TNFRSF1B: variants seen among roughly 807,000 people sequenced by gnomAD.
TNFRSF1B encodes TNF receptor superfamily member 1B.
A neutral mutation model predicts 44.6 loss-of-function variants in TNFRSF1B; 19 were observed. The ratio of observed to expected loss-of-function variants is 0.43; its 90% CI spans 0.30 to 0.62. The LOEUF (loss-of-function observed/expected upper bound fraction) is 0.62, where lower values mean the gene tolerates loss of function less well. Ranked by LOEUF, TNFRSF1B falls within the 20% of genes least tolerant of loss-of-function variation. The pLI, the probability that TNFRSF1B is intolerant of heterozygous loss-of-function variation, is 0.16. For synonymous variants in TNFRSF1B, 252 were observed against 261.1 expected (o/e 0.97, Z 0.34); for missense variants, 541 against 619.9 (o/e 0.87, Z 1.35).
chr1:12,198,926 G>A (rs978721280), intron 8 of TNFRSF1B, among the ~76,000 whole-genome samples: 1 of 151,988 alleles, frequency 6.6e-6, no homozygotes, highest in Admixed American at 6.6e-5. Context: ...TCCTGACCTC[G>A]TGATTCGGTG....
chr1:12,200,629 T>C (rs1639368673), intron 8 of TNFRSF1B, among the ~76,000 whole-genome samples: 1 of 152,058 alleles, frequency 6.6e-6, no homozygotes, highest in Admixed American at 6.5e-5. Context: ...CGCAAATTAT[T>C]CTTTTTTTTT....
Position 12,206,966 on chromosome 1 carries a change from C to T in TNFRSF1B, c.1332C>T (p.Thr444=), listed in dbSNP as rs773470753. ...CGCCAGAGACCCTGCTGGGGAGCAC[C>T]GAAGAGAAGCCCCTGCCCCTTGGAG... The part of the protein sequence containing the change: ...LETPETLLGS[T]EEKPLPLGVP... Residue 444 remains threonine (T), a synonymous_variant, in exon 10 of 10, where the codon ACC becomes ACT. Transcript: ENST00000376259. 2.5e-5 allele frequency: 41 copies of T among 1,610,950 alleles called. No individual in the cohort carries two copies. The East Asian group carries it at 5.8e-4, about 23-fold the overall frequency.
chr1:12,176,446 C>G (rs1406315930), intron 1 of TNFRSF1B, among the ~76,000 whole-genome samples: 7 of 152,202 alleles, frequency 4.6e-5, no homozygotes, highest in Non-Finnish European at 1.0e-4. Context: ...GTTATTTAAT[C>G]TTCCCATCAG....
At chr1:12,174,011 G>A (rs1638577665) in intron 1 of TNFRSF1B, among the ~76,000 whole-genome samples, 1 of 152,086 alleles carries the variant, frequency 6.6e-6, no homozygotes, top group African/African-American at 2.4e-5. Flanking sequence ...GCAGGGGGGA[G>A]TGCGGGGGGA....
At chr1:12,175,101 T>C (rs1322035290) in intron 1 of TNFRSF1B, among the ~76,000 whole-genome samples, 4 of 152,096 alleles carry the variant, frequency 2.6e-5, no homozygotes, top group Non-Finnish European at 5.9e-5. Flanking sequence ...GCAGGCGGGC[T>C]GTGGACAGGG....
chr1:12,193,255 C>T, intron 6 of TNFRSF1B, 157 bp downstream of exon 6: 1 of 730,656 alleles, frequency 1.4e-6, no homozygotes, highest in Non-Finnish European at 2.4e-6. Context: ...TTTCTCCCCA[C>T]ACCTGGTGCT....
chr1:12,173,393 G>A (rs780018079), intron 1 of TNFRSF1B, among the ~76,000 whole-genome samples: 8 of 152,090 alleles, frequency 5.3e-5, no homozygotes, highest in Non-Finnish European at 1.0e-4. Context: ...ACTTGCTTTG[G>A]GTGGATTGAT....
chr1:12,167,249 CCG>C (rs1638412155), intron 1 of TNFRSF1B, 80 bp downstream of exon 1: 1 of 1,065,170 alleles, frequency 9.4e-7, no homozygotes, highest in African/African-American at 1.7e-5. Flanking sequence ...GGTGCCCGGG[CCG>C]CGCTCTCCCG....
intron 9 of TNFRSF1B, 123 bp from the exon 10 acceptor site, chr1:12,206,617 C>G: frequency 9.3e-7 from 1 of 1,077,328 alleles, no homozygotes; most frequent in Non-Finnish European, 1.3e-6. Context: ...GGGCTAGAAT[C>G]TTGGTCTCGG....
intron 1 of TNFRSF1B, among the ~76,000 whole-genome samples, chr1:12,174,140 CTTCTTCTTCTTCTT>C: frequency 1.3e-5 from 1 of 78,660 alleles, no homozygotes; most frequent in Non-Finnish European, 2.5e-5. Context: ...TCTTCTTCTT[CTTCTTCTTCTTCTT>C]CTTCTTCTTC....
intron 1 of TNFRSF1B, among the ~76,000 whole-genome samples, chr1:12,188,244 G>C (rs1014142987): frequency 6.6e-6 from 1 of 152,224 alleles, no homozygotes; most frequent in Non-Finnish European, 1.5e-5. Context: ...GGACAAGCAA[G>C]TAACCATTCC....
At chr1:12,174,636 A>G (rs1486074152) in intron 1 of TNFRSF1B, among the ~76,000 whole-genome samples, 5 of 152,240 alleles carry the variant, frequency 3.3e-5, no homozygotes, top group Admixed American at 2.0e-4. Flanking sequence ...TGCTGGATTC[A>G]GGAGACCTGT....
intron 7 of TNFRSF1B, 44 bp downstream of exon 7, chr1:12,194,076 C>A: frequency 5.8e-6 from 9 of 1,558,714 alleles, no homozygotes; most frequent in Non-Finnish European, 8.0e-6. Flanking sequence ...GTTCAGGAAG[C>A]TTTTGTGGGG....
intron 1 of TNFRSF1B, among the ~76,000 whole-genome samples, chr1:12,173,086 C>G (rs1440759638): frequency 1.3e-5 from 2 of 152,202 alleles, no homozygotes; most frequent in East Asian, 1.9e-4. Context: ...GGAAGGAGCA[C>G]TGACTTGGGT....
intron 1 of TNFRSF1B, among the ~76,000 whole-genome samples, chr1:12,172,955 G>A (rs1638555001): frequency 6.6e-6 from 1 of 152,226 alleles, no homozygotes; most frequent in South Asian, 2.1e-4. Flanking sequence ...TCCAACCTCT[G>A]TGCTGCTGAA....
chr1:12,198,989 G>A (rs941029638), intron 8 of TNFRSF1B, among the ~76,000 whole-genome samples: 1 of 152,044 alleles, frequency 6.6e-6, no homozygotes, highest in Non-Finnish European at 1.5e-5. Flanking sequence ...CACTGCGCCC[G>A]GCCCTGGGAT....
At chr1:12,194,078 T>G in intron 7 of TNFRSF1B, 46 bp downstream of exon 7, 1 of 1,537,236 alleles carries the variant, frequency 6.5e-7, no homozygotes, top group Non-Finnish European at 9.0e-7. Flanking sequence ...TCAGGAAGCT[T>G]TTGTGGGGTG....
intron 1 of TNFRSF1B, among the ~76,000 whole-genome samples, chr1:12,185,773 C>G (rs1330845967): frequency 1.3e-5 from 2 of 152,290 alleles, no homozygotes; most frequent in South Asian, 2.1e-4. Flanking sequence ...TAACCCAGCC[C>G]GTGGTTGAGA....
In TNFRSF1B at chr1:12,169,659, T is replaced by C. The variant is rs191140841; in HGVS notation, c.78+2490T>C. Reference sequence around the variant, plus strand: ...TGAGCTAGCCATGGACGCAGCCGACTCACTGCCAGCAGGGCTTTTGCCCCG... The same window carrying C: ...TGAGCTAGCCATGGACGCAGCCGACCCACTGCCAGCAGGGCTTTTGCCCCG... On this transcript the variant is annotated intron_variant, in intron 1 of 9. Coordinates refer to ENST00000376259, the MANE Select transcript of TNFRSF1B (RefSeq NM_001066.3). This position sits in a 1 kb window ranked among gnomAD's most constrained non-coding sequence, Gnocchi z 4.5. Among the ~76,000 whole-genome samples, 11 of 152,382 alleles carry C rather than the reference T, an allele frequency of 7.2e-5. No homozygotes were observed. The East Asian group carries it at 2.1e-3, about 29-fold the overall frequency.
Sources: gnomAD v4.1 joint callset for allele counts (sites outside exome capture counted in the v4.1 genomes callset) on GRCh38, gnomAD v4.1.1 for gene constraint, Gnocchi (gnomAD v3.1) non-coding constraint, MANE v1.5 for transcripts, NCBI Gene and HGNC (gene_info 2026-07-23, HGNC 2026-07-21) for gene names.